The following PCDHAC1 variants were observed in gnomAD, a reference collection of about 807,000 sequenced individuals.
The protein encoded by PCDHAC1 is protocadherin alpha subfamily C, 1.
PCDHAC1 carries 42 observed loss-of-function variants against 60.0 expected under a neutral mutation model. The observed-to-expected ratio is 0.70, with a 90% CI of 0.55 to 0.90. PCDHAC1 has a LOEUF of 0.90. Ranked by LOEUF, PCDHAC1 falls within the 40% of genes least tolerant of loss-of-function variation. The pLI is 0.00. For missense variants in PCDHAC1, 1,160 were observed against 1,222.3 expected, an observed-to-expected ratio of 0.95 and a Z score of 0.76; for synonymous variants, 468 against 499.3, an observed-to-expected ratio of 0.94 and a Z score of 0.84.
chr5:141,008,359 G>A (rs1369587129), intron 3 of PCDHAC1, among the ~76,000 whole-genome samples: 1 of 152,150 alleles, frequency 6.6e-6, no homozygotes, highest in Non-Finnish European at 1.5e-5. Flanking sequence ...GTCAACCAAA[G>A]GAGCAGTGTT....
In PCDHAC1 at chr5:140,928,041, C is replaced by T. The variant is rs2084880685; in HGVS notation, c.1149C>T (p.Gly383=). The stretch of plus-strand genomic sequence containing the variant: ...TCATTTGTGGCATGTCTAGTGCAGG[C>T]CCTTTTCAGCTGACGGCTTCCTTTG... ...GRVICGMSSA[G]PFQLTASFDN... The change falls in exon 1 of 4, where the codon GGC becomes GGT. Residue 383 remains glycine, a synonymous_variant. Transcript: ENST00000253807. 1.9e-6 allele frequency: 3 copies of T among 1,613,398 alleles called. No individual in the cohort carries two copies. Among genetic ancestry groups the T allele is most frequent in the Non-Finnish European group, 2.5e-6 (3 of 1,179,438 alleles).
chr5:140,984,419 T>C (rs564096734), intron 3 of PCDHAC1, among the ~76,000 whole-genome samples: 5 of 152,290 alleles, frequency 3.3e-5, no homozygotes, highest in African/African-American at 9.6e-5. Context: ...TTTACAGAGA[T>C]AGAGAAGGGG....
chr5:140,993,459 TTC>T lies in PCDHAC1; in HGVS notation c.2581+10899_2581+10900del, dbSNP rs202191067. Among the ~76,000 whole-genome samples the T allele has an allele frequency of 6.6e-3, 550 of 83,072 alleles. 5 individuals carry two copies. The highest frequency in any genetic ancestry group is 0.016 in the African/African-American group (346 of 21,866). The allele number at this position is 83,072 out of a possible 152,430, so 54.5% of individuals were successfully genotyped here. ...ATTCATTCCTGTTCTCCTTCTTTCTTTCTCACACACACACACACACACACACA... is the reference window on the plus strand; with the variant it reads ...ATTCATTCCTGTTCTCCTTCTTTCTTTCACACACACACACACACACACACA... On this transcript the variant is annotated intron_variant, in intron 3 of 3. Transcript: ENST00000253807.
At chr5:140,977,307 G>C (rs1023836424) in intron 1 of PCDHAC1, among the ~76,000 whole-genome samples, 1 of 152,186 alleles carries the variant, frequency 6.6e-6, no homozygotes, top group Admixed American at 6.5e-5. Flanking sequence ...ACAAGCTAAC[G>C]ATAGTGCTCC....
chr5:140,929,409 T>C, intron 1 of PCDHAC1, 84 bp downstream of exon 1: 11 of 1,506,206 alleles, frequency 7.3e-6, no homozygotes, highest in Non-Finnish European at 9.8e-6. Context: ...GACAAGCCTT[T>C]CACAACATTT....
At chr5:140,992,208 A>G (rs2097499240) in intron 3 of PCDHAC1, among the ~76,000 whole-genome samples, 1 of 152,150 alleles carries the variant, frequency 6.6e-6, no homozygotes, top group African/African-American at 2.4e-5. Context: ...AATCAGATAA[A>G]CTACTCTCCC....
At chr5:140,974,372 G>A (rs782769705) in intron 1 of PCDHAC1, among the ~76,000 whole-genome samples, 28 of 152,076 alleles carry the variant, frequency 1.8e-4, no homozygotes, top group Non-Finnish European at 4.0e-4. Flanking sequence ...AGCACTTTCT[G>A]TTGTACTGGA....
intron 3 of PCDHAC1, among the ~76,000 whole-genome samples, chr5:140,996,686 T>G (rs1447702915): frequency 2.6e-5 from 4 of 152,214 alleles, no homozygotes; most frequent in Non-Finnish European, 5.9e-5. Flanking sequence ...TGGGCTAGTA[T>G]TCTTCTGAAC....
Position 140,927,577 on chromosome 5 carries a change from A to T in PCDHAC1, c.685A>T (p.Asn229Tyr). ...VTIIVVDTND[N>Y]APVFERSVYR... is the part of the protein sequence containing the mutation. ...CATCATTGTGGTGGACACAAATGACAACGCGCCTGTATTTGAGCGCTCCGT... is the reference window on the plus strand; with the variant it reads ...CATCATTGTGGTGGACACAAATGACTACGCGCCTGTATTTGAGCGCTCCGT... The change falls in exon 1 of 4, where the codon AAC becomes TAC. Residue 229 changes from asparagine to tyrosine, a missense_variant. Physicochemically the swap from Asn to Tyr is moderately radical, Grantham distance 143. Around this residue, in one of 3 missense-constraint regions of PCDHAC1, gnomAD observed 1,113 missense variants for 1,163.7 expected, o/e 0.96. Coordinates refer to ENST00000253807, the MANE Select transcript of PCDHAC1 (RefSeq NM_018898.5). 6.2e-7 allele frequency: 1 copy of T among 1,614,170 alleles called. No homozygotes were observed. The highest frequency in any genetic ancestry group is 8.5e-7 in the Non-Finnish European group (1 of 1,180,020).
At chr5:140,955,385 G>A (rs1416235573) in intron 1 of PCDHAC1, among the ~76,000 whole-genome samples, 4 of 152,216 alleles carry the variant, frequency 2.6e-5, no homozygotes, top group South Asian at 4.1e-4. Flanking sequence ...GAATCATGGG[G>A]GCAATTATCC....
chr5:140,945,526 A>T (rs1466059696), intron 1 of PCDHAC1, among the ~76,000 whole-genome samples: 2 of 152,130 alleles, frequency 1.3e-5, no homozygotes, highest in African/African-American at 4.8e-5. Context: ...AATAAATAAA[A>T]CAAAACATAC....
At chr5:140,932,728 T>C (rs2088582843) in intron 1 of PCDHAC1, among the ~76,000 whole-genome samples, 1 of 151,886 alleles carries the variant, frequency 6.6e-6, no homozygotes, top group African/African-American at 2.4e-5. Context: ...TTGTATAATA[T>C]AGACCCTCAA....
chr5:141,005,475 G>A (rs1011400158), intron 3 of PCDHAC1, among the ~76,000 whole-genome samples: 8 of 151,670 alleles, frequency 5.3e-5, no homozygotes, highest in African/African-American at 1.9e-4. Flanking sequence ...AGGCCGAGAC[G>A]GGCGGATCAT....
intron 1 of PCDHAC1, among the ~76,000 whole-genome samples, chr5:140,948,886 T>C (rs892848820): frequency 6.6e-6 from 1 of 151,684 alleles, no homozygotes; most frequent in Non-Finnish European, 1.5e-5. Context: ...TGCTCTCTTT[T>C]AGATTTTAAG....
At chr5:140,986,981 A>G (rs1180752989) in intron 3 of PCDHAC1, among the ~76,000 whole-genome samples, 1 of 152,146 alleles carries the variant, frequency 6.6e-6, no homozygotes, top group Non-Finnish European at 1.5e-5. Flanking sequence ...TGGGAGGCCA[A>G]GGCAGGCAGA....
intron 1 of PCDHAC1, among the ~76,000 whole-genome samples, chr5:140,960,371 T>A (rs2095543916): frequency 6.6e-6 from 1 of 152,196 alleles, no homozygotes; most frequent in Non-Finnish European, 1.5e-5. Context: ...TGCCAACTCT[T>A]AAGTGCCAAG....
intron 1 of PCDHAC1, among the ~76,000 whole-genome samples, chr5:140,970,092 A>C (rs1554232243): frequency 6.6e-6 from 1 of 151,978 alleles, no homozygotes; most frequent in East Asian, 1.9e-4. Context: ...GTGTGGGGGG[A>C]TGGTGAAGAC....
intron 1 of PCDHAC1, among the ~76,000 whole-genome samples, chr5:140,946,629 T>TATATATATATATATATATAC (rs1367833800): frequency 1.4e-4 from 17 of 123,272 alleles, no homozygotes; most frequent in African/African-American, 5.1e-4. Context: ...TATATATATA[T>TATATATATATATATATATAC]ATACAATGGA....
chr5:140,939,018 T>G (rs1554212547), intron 1 of PCDHAC1, among the ~76,000 whole-genome samples: 1 of 152,228 alleles, frequency 6.6e-6, no homozygotes, highest in Non-Finnish European at 1.5e-5. Context: ...TTACTTTTCT[T>G]TTACTTATTC....
Sources: gnomAD v4.1 joint callset for allele counts (sites outside exome capture counted in the v4.1 genomes callset) on GRCh38, gnomAD v4.1.1 for gene constraint, gnomAD v4.1.1 regional missense constraint, MANE v1.5 for transcripts, NCBI Gene and HGNC (gene_info 2026-07-23, HGNC 2026-07-21) for gene names.